ICE1: variants seen among roughly 807,000 people sequenced by gnomAD.
The protein encoded by ICE1 is interactor of little elongation complex ELL subunit 1.
A neutral mutation model predicts 192.7 loss-of-function variants in ICE1; 64 were observed. The observed-to-expected ratio is 0.33, with a 90% CI of 0.27 to 0.41. The LOEUF is 0.41. Among genes scored for constraint, ICE1 ranks in the 10% least tolerant of loss-of-function variants. The pLI is 1.00. For synonymous variants in ICE1, 1,010 were observed against 984.5 expected, an observed-to-expected ratio of 1.03 and a Z score of -0.49; for missense variants, 2,708 against 2,696.0, an observed-to-expected ratio of 1.00 and a Z score of -0.10.
chr5:5,466,218 A>C, intron 13 of ICE1, 116 bp from the exon 14 acceptor site: 595 of 732,382 alleles, frequency 8.1e-4, no homozygotes, highest in Middle Eastern at 1.2e-3. Context: ...CTTCTGATGT[A>C]GCGCAAGTTT....
Position 5,486,801 on chromosome 5 carries a change from C to A in ICE1, c.6601C>A (p.Gln2201Lys). ...TAGTTCGGTTATTGGTATGTTTATA[C>A]AGCATGCTCACGATGAAGGTAAAAC... is the stretch of plus-strand genomic sequence containing the variant. ...NISSVIGMFI[Q>K]HAHDEDIPWG... is the part of the protein sequence containing the mutation. The change falls in exon 18 of 19, where the codon CAG becomes AAG. Residue 2201 changes from glutamine to lysine, a missense_variant. Gln to Lys is a moderately conservative substitution (Grantham distance 53, BLOSUM62 1). Coordinates refer to ENST00000296564, the MANE Select transcript of ICE1 (RefSeq NM_015325.3). 2 of 1,594,550 alleles carry A rather than the reference C, an allele frequency of 1.3e-6. No individual in the cohort carries two copies. The highest frequency in any genetic ancestry group is 1.7e-6 in the Non-Finnish European group (2 of 1,168,894).
chr5:5,486,281 A>G (rs183052303), intron 17 of ICE1, among the ~76,000 whole-genome samples: 6 of 152,332 alleles, frequency 3.9e-5, no homozygotes, highest in Admixed American at 2.6e-4. Context: ...TGGCTTTTGC[A>G]CCATCAGACC....
chr5:5,428,223 A>G (rs754364388), intron 1 of ICE1, among the ~76,000 whole-genome samples: 3 of 152,148 alleles, frequency 2.0e-5, no homozygotes, highest in African/African-American at 4.8e-5. Context: ...GCACAGTTAG[A>G]GAGAGGTGGA....
At position 5,441,127 on chromosome 5, in the gene ICE1, G is replaced by T; in HGVS notation, c.213G>T (p.Leu71=). Residue 71 remains leucine (L), a synonymous_variant, in exon 5 of 19, where the codon CTG becomes CTT. Transcript: ENST00000296564. ...LQFARRENSN[L]HHQVEEMLQK... The stretch of plus-strand genomic sequence containing the variant: ...TTGTCTTTAGAGAGAATAGTAATCT[G>T]CATCACCAAGTGGAAGAGATGCTTC... The T allele has an allele frequency of 6.5e-7, 1 of 1,547,650 alleles. No individual in the cohort carries two copies. Among genetic ancestry groups the T allele is most frequent in the Non-Finnish European group, 8.8e-7 (1 of 1,140,516 alleles).
chr5:5,432,886 T>C (rs535897482), intron 1 of ICE1, among the ~76,000 whole-genome samples: 15 of 152,318 alleles, frequency 9.8e-5, no homozygotes, highest in Non-Finnish European at 1.8e-4. Context: ...TGTTTTAGCC[T>C]CTTTCACACT....
chr5:5,460,595 A>C lies in ICE1; in HGVS notation c.1261A>C (p.Lys421Gln). Reference sequence around the variant, plus strand: ...AAGTGGCACATGGGAGGAAAAGCCCAAATCACATGAAGCTATCCAAGCTCT... The same window carrying C: ...AAGTGGCACATGGGAGGAAAAGCCCCAATCACATGAAGCTATCCAAGCTCT... ...KGSGTWEEKP[K>Q]SHEAIQALNT... Residue 421 changes from lysine (K) to glutamine (Q), a missense_variant, in exon 13 of 19, where the codon AAA (lysine) becomes CAA (glutamine). Transcript: ENST00000296564. 6.2e-7 allele frequency: 1 copy of C among 1,613,424 alleles called. No homozygotes were observed.
chr5:5,447,820 G>T lies in ICE1; in HGVS notation c.548-21G>T, dbSNP rs189046084. On this transcript the variant is annotated intron_variant, in intron 9 of 18. Transcript: ENST00000296564. Reference sequence around the variant, plus strand: ...TTTGATATGTAGTATTTTATTAACCGTTTTTTCCCCATGCTTTTAGAGTTG... The same window carrying T: ...TTTGATATGTAGTATTTTATTAACCTTTTTTTCCCCATGCTTTTAGAGTTG... The T allele has an allele frequency of 8.3e-6, 13 of 1,573,074 alleles. No individual in the cohort carries two copies. In the African/African-American group the frequency reaches 1.4e-4, roughly 16 times the overall value.
At chr5:5,423,436 G>A (rs1302376228) in intron 1 of ICE1, among the ~76,000 whole-genome samples, 1 of 18,054 alleles carries the variant, frequency 5.5e-5, no homozygotes, top group Non-Finnish European at 9.3e-5. Context: ...TACGTGACAT[G>A]TGGGTTGTCT....
chr5:5,459,808 G>A (rs2111374687), intron 12 of ICE1, among the ~76,000 whole-genome samples: 1 of 152,324 alleles, frequency 6.6e-6, no homozygotes, highest in East Asian at 1.9e-4. Context: ...TAACTCAAGA[G>A]GAGACGAGTT....
Position 5,422,765 on chromosome 5 carries a change from C to A in ICE1, c.-151C>A. ...GGCTCGGAGAGCCTTTTGCTAGCCC[C>A]ACGGGGACCTCTGTGCACGGATGGA... On this transcript the variant is annotated 5_prime_UTR_variant, in exon 1 of 19. Coordinates refer to ENST00000296564, the MANE Select transcript of ICE1 (RefSeq NM_015325.3). 2.4e-6 allele frequency: 1 copy of A among 408,418 alleles called. No homozygotes were observed. 25.3% of individuals were successfully genotyped at this position (408,418 alleles called of 1,614,324 possible).
chr5:5,481,184 A>G (rs936189612), intron 17 of ICE1, among the ~76,000 whole-genome samples: 1 of 152,246 alleles, frequency 6.6e-6, no homozygotes, highest in Non-Finnish European at 1.5e-5. Context: ...GTTAAAAAAA[A>G]TTAGAAGAGA....
rs1353041207 is a variant in ICE1, at chr5:5,460,944, A to T, written c.1610A>T (p.Lys537Ile). The T allele has an allele frequency of 1.2e-6, 2 of 1,613,906 alleles. No homozygotes were observed. Among genetic ancestry groups the T allele is most frequent in the Non-Finnish European group, 1.7e-6 (2 of 1,179,906 alleles). The stretch of plus-strand genomic sequence containing the variant: ...GAGTTGTGTTCTTCTCCCCTTGGCA[A>T]AAGGCCATTAAATGAACTCATGGAA... ...KSELCSSPLG[K>I]RPLNELMESE... is the part of the protein sequence containing the mutation. Residue 537 changes from lysine (K) to isoleucine (I), a missense_variant, in exon 13 of 19, where the codon AAA (lysine) becomes ATA (isoleucine). By Grantham distance (102) the Lys-to-Ile change is moderately radical (BLOSUM62 -3). Transcript: ENST00000296564.
chr5:5,481,766 CCTTT>C (rs1426077672), intron 17 of ICE1, among the ~76,000 whole-genome samples: 2 of 152,106 alleles, frequency 1.3e-5, no homozygotes, highest in Non-Finnish European at 2.9e-5. Flanking sequence ...TTTCCTGTAC[CCTTT>C]CTATGTTTAG....
chr5:5,472,009 T>G (rs1331949058), intron 15 of ICE1, among the ~76,000 whole-genome samples: 1 of 152,186 alleles, frequency 6.6e-6, no homozygotes, highest in Non-Finnish European at 1.5e-5. Context: ...TGAGTCATGA[T>G]TCATTTATAA....
intron 5 of ICE1, among the ~76,000 whole-genome samples, chr5:5,441,860 T>G (rs1438838826): frequency 6.6e-6 from 1 of 152,218 alleles, no homozygotes; most frequent in African/African-American, 2.4e-5. Context: ...GTATAGTCTC[T>G]TGTGGTTTCT....
intron 15 of ICE1, among the ~76,000 whole-genome samples, chr5:5,469,398 G>C (rs1739087932): frequency 6.6e-6 from 1 of 152,052 alleles, no homozygotes. Flanking sequence ...CCAGTTGATA[G>C]AATTTGTTTT....
chr5:5,435,544 A>C (rs891229200), intron 1 of ICE1, among the ~76,000 whole-genome samples: 3 of 152,174 alleles, frequency 2.0e-5, no homozygotes, highest in Non-Finnish European at 4.4e-5. Context: ...AAAGGAAAGA[A>C]GTTAATGAAA....
chr5:5,441,863 T>G (rs774021034), intron 5 of ICE1, among the ~76,000 whole-genome samples: 9 of 152,178 alleles, frequency 5.9e-5, no homozygotes, highest in Non-Finnish European at 1.3e-4. Flanking sequence ...TAGTCTCTTG[T>G]GGTTTCTCAT....
intron 10 of ICE1, among the ~76,000 whole-genome samples, chr5:5,448,581 T>C (rs1738316436): frequency 6.6e-6 from 1 of 152,246 alleles, no homozygotes; most frequent in African/African-American, 2.4e-5. Flanking sequence ...ATTTCTGCTC[T>C]ATCTCACAGG....
Sources: allele counts gnomAD v4.1 joint callset (sites outside exome capture counted in the v4.1 genomes callset), GRCh38; gene constraint gnomAD v4.1.1; transcripts MANE v1.5; gene names NCBI Gene and HGNC (gene_info 2026-07-23, HGNC 2026-07-21).